TRERF1: variants seen among roughly 807,000 people sequenced by gnomAD.
The protein encoded by TRERF1 is transcriptional-regulating factor 1.
In TRERF1, 27 loss-of-function variants were observed where a neutral mutation model predicts 122.9. The observed-to-expected ratio is 0.22, with a 90% CI of 0.16 to 0.30. The LOEUF (loss-of-function observed/expected upper bound fraction) is 0.30, where lower values mean the gene tolerates loss of function less well. TRERF1 is among the 10% of genes least tolerant of loss of function. The pLI, the probability that TRERF1 is intolerant of heterozygous loss-of-function variation, is 1.00. For synonymous variants in TRERF1, 636 were observed against 641.7 expected (o/e 0.99, Z 0.13); for missense variants, 1,248 against 1,560.3 (o/e 0.80, Z 3.37).
rs190179386 is a variant in TRERF1 at position 42,343,613 on chromosome 6, T to C, written c.-371+19384A>G. ...ACAGGTCCTTTGAAGTGTGTTATCC[T>C]AAGGACAGAGCGTATGTGCACAAGC... On this transcript the variant is annotated intron_variant, in intron 3 of 17. Coordinates refer to ENST00000372922, the Ensembl canonical transcript of TRERF1. 1.7e-3 allele frequency among the ~76,000 whole-genome samples: 265 copies of C among 152,244 alleles called. 1 individual carries two copies. Among genetic ancestry groups the C allele is most frequent in the Middle Eastern group, 3.4e-3 (1 of 294 alleles).
intron 8 of TRERF1, among the ~76,000 whole-genome samples, chr6:42,262,338 C>G (rs935784445): frequency 6.6e-6 from 1 of 151,758 alleles, no homozygotes; most frequent in African/African-American, 2.4e-5. Context: ...CCAGCAGCTA[C>G]CTATTCCTAA....
At chr6:42,400,817 C>T (rs1779276095) in intron 2 of TRERF1, among the ~76,000 whole-genome samples, 1 of 152,204 alleles carries the variant, frequency 6.6e-6, no homozygotes, top group South Asian at 2.1e-4. Context: ...CTGTCACCAC[C>T]ACCCCCATAA....
chr6:42,244,200 T>C (rs183433506), intron 14 of TRERF1, among the ~76,000 whole-genome samples: 1 of 151,696 alleles, frequency 6.6e-6, no homozygotes, highest in East Asian at 1.9e-4. Flanking sequence ...TTTTCTTTTT[T>C]TGAGATGGAG....
intron 2 of TRERF1, among the ~76,000 whole-genome samples, chr6:42,397,609 T>C (rs961962143): frequency 1.2e-4 from 18 of 152,160 alleles, no homozygotes; most frequent in African/African-American, 4.3e-4. Flanking sequence ...CTCATCCTCG[T>C]TGTTTGTCTT....
chr6:42,338,113 T>C (rs1199121155), intron 3 of TRERF1, among the ~76,000 whole-genome samples: 2 of 152,142 alleles, frequency 1.3e-5, no homozygotes, highest in African/African-American at 4.8e-5. Context: ...GGCTTACATT[T>C]TTCTGATCAA....
intron 2 of TRERF1, among the ~76,000 whole-genome samples, chr6:42,391,176 C>T (rs920174798): frequency 2.0e-5 from 3 of 152,178 alleles, no homozygotes; most frequent in African/African-American, 7.2e-5. Flanking sequence ...CAGGGCTTTT[C>T]GAGATCTTCT....
intron 3 of TRERF1, among the ~76,000 whole-genome samples, chr6:42,306,006 T>TC (rs1787157403): frequency 1.5e-5 from 2 of 135,848 alleles, no homozygotes; most frequent in African/African-American, 5.5e-5. Context: ...TTTTTTTTTT[T>TC]TTTTTTTTTT....
At chr6:42,437,347 A>G (rs569062339) in intron 2 of TRERF1, among the ~76,000 whole-genome samples, 1 of 152,322 alleles carries the variant, frequency 6.6e-6, no homozygotes, top group South Asian at 2.1e-4. Context: ...CCCAAAGCCC[A>G]GGGATGGCAC....
At chr6:42,236,387 C>G (rs1022549822) in exon 16 of TRERF1, 2 of 1,556,826 alleles carry the variant, frequency 1.3e-6, no homozygotes, top group Non-Finnish European at 1.7e-6. Flanking sequence ...TCCTCCTCCT[C>G]TAACTCTTCT....
chr6:42,325,661 C>T (rs1302877693), intron 3 of TRERF1, among the ~76,000 whole-genome samples: 1 of 152,128 alleles, frequency 6.6e-6, no homozygotes, highest in Non-Finnish European at 1.5e-5. Context: ...ATCATTTGAA[C>T]CCAGGAAATC....
intron 17 of TRERF1, among the ~76,000 whole-genome samples, chr6:42,229,416 G>A (rs1052625105): frequency 1.3e-5 from 2 of 152,196 alleles, no homozygotes; most frequent in African/African-American, 2.4e-5. Flanking sequence ...GTGATTACAC[G>A]TGTGAACCAC....
chr6:42,299,116 C>CTGTCTGTATCTATCTATCTA lies in TRERF1; in HGVS notation c.-259+1521_-259+1522insTAGATAGATAGATACAGACA, dbSNP rs10627056. Among the ~76,000 whole-genome samples the CTGTCTGTATCTATCTATCTA allele has an allele frequency of 2.7e-3, 388 of 141,786 alleles. 5 individuals are homozygous for CTGTCTGTATCTATCTATCTA. The highest frequency in any genetic ancestry group is 0.016 in the Admixed American group (228 of 14,504). 93.0% of individuals were successfully genotyped at this position (141,786 alleles called of 152,430 possible). A position where few individuals can be genotyped will look rare whatever the true frequency, so the allele number is the denominator to read the frequency against. On this transcript the variant is annotated intron_variant, in intron 4 of 17. Transcript: ENST00000372922. ...TCTATCTGTCTGTCTGTCTGTCTGT[C>CTGTCTGTATCTATCTATCTA]TCTATCTATCTATCTATCTACATAT...
exon 18 of TRERF1, chr6:42,225,381 G>A (rs1769382463): frequency 6.6e-6 from 1 of 151,826 alleles, no homozygotes; most frequent in South Asian, 2.1e-4. Flanking sequence ...GACCTAGGAA[G>A]AAACATTTTT....
At chr6:42,323,949 C>G (rs1304960029) in intron 3 of TRERF1, among the ~76,000 whole-genome samples, 4 of 152,140 alleles carry the variant, frequency 2.6e-5, no homozygotes, top group African/African-American at 4.8e-5. Context: ...CAGATTGTTG[C>G]CAAAGTTTTC....
chr6:42,408,243 ATATATACATACACATG>A (rs1780519597), intron 2 of TRERF1, among the ~76,000 whole-genome samples: 1 of 88,630 alleles, frequency 1.1e-5, no homozygotes, highest in Non-Finnish European at 2.2e-5. Context: ...GTGTGTATGT[ATATATACATACACATG>A]TGTGTGTATG....
chr6:42,390,194 T>A (rs1485992824), intron 2 of TRERF1, among the ~76,000 whole-genome samples: 2 of 152,326 alleles, frequency 1.3e-5, no homozygotes, highest in South Asian at 4.1e-4. Context: ...AACGAAGATA[T>A]ACAAGAGGCA....
intron 2 of TRERF1, among the ~76,000 whole-genome samples, chr6:42,401,701 T>C (rs1779412418): frequency 6.6e-6 from 1 of 152,026 alleles, no homozygotes; most frequent in African/African-American, 2.4e-5. Flanking sequence ...CACTTACCAC[T>C]CTCCACACCC....
In TRERF1 at chr6:42,381,069, G is replaced by A. The variant is rs1379257778; in HGVS notation, c.-453-17990C>T. 4.6e-5 allele frequency among the ~76,000 whole-genome samples: 7 copies of A among 152,168 alleles called. No homozygotes were observed. The East Asian group carries it at 9.6e-4, about 21-fold the overall frequency. On this transcript the variant is annotated intron_variant, in intron 2 of 17. Transcript: ENST00000372922. ...TTGTCTCTCCCCCATCAGACTGGGA[G>A]GTCCTGGAGAACATGAACTGTTGCA... is the stretch of plus-strand genomic sequence containing the variant.
chr6:42,291,792 G>A (rs1208017625), intron 4 of TRERF1, among the ~76,000 whole-genome samples: 2 of 151,430 alleles, frequency 1.3e-5, no homozygotes, highest in South Asian at 2.1e-4. Context: ...TGATCCACCC[G>A]CCTCGGCCTC....
Sources: allele counts gnomAD v4.1 joint callset (sites outside exome capture counted in the v4.1 genomes callset), GRCh38; gene constraint gnomAD v4.1.1; transcripts MANE v1.5; gene names NCBI Gene and HGNC (gene_info 2026-07-23, HGNC 2026-07-21).